The following DNAAF9 variants were observed in gnomAD, a reference collection of about 807,000 sequenced individuals.
The protein encoded by DNAAF9 is shulin.
A neutral mutation model predicts 167.0 loss-of-function variants in DNAAF9; 90 were observed. The observed-to-expected ratio is 0.54, with a 90% confidence interval of 0.45 to 0.64. DNAAF9 has a LOEUF of 0.64. DNAAF9 is among the 30% of genes least tolerant of loss of function. The pLI, the probability that DNAAF9 is intolerant of heterozygous loss-of-function variation, is 0.00. For missense variants in DNAAF9, 1,315 were observed against 1,442.2 expected (o/e 0.91, Z 1.43); for synonymous variants, 491 against 508.8 (o/e 0.96, Z 0.47).
chr20:3,323,483 T>C (rs554754864), intron 14 of DNAAF9, among the ~76,000 whole-genome samples: 75 of 152,134 alleles, frequency 4.9e-4, no homozygotes, highest in Non-Finnish European at 8.7e-4. Context: ...GGTTTTGCCA[T>C]GTTGGTCAGG....
chr20:3,282,656 A>G (rs1229091486), intron 27 of DNAAF9, among the ~76,000 whole-genome samples: 1 of 152,232 alleles, frequency 6.6e-6, no homozygotes, highest in Non-Finnish European at 1.5e-5. Flanking sequence ...CCTATGGAGC[A>G]GCAAAGAATT....
intron 10 of DNAAF9, among the ~76,000 whole-genome samples, chr20:3,337,009 A>G (rs1218194131): frequency 6.7e-6 from 1 of 149,168 alleles, no homozygotes; most frequent in Non-Finnish European, 1.5e-5. Flanking sequence ...CCTCCCAAGT[A>G]GCTGGGACTA....
At chr20:3,309,923 A>G (rs6037544) in intron 20 of DNAAF9, among the ~76,000 whole-genome samples, 37,998 of 152,056 alleles carry the variant, frequency 0.25, 5,339 homozygotes, top group African/African-American at 0.37. Flanking sequence ...GGCTGGGCGC[A>G]GTGGCTCACG....
intron 20 of DNAAF9, 54 bp from the exon 21 acceptor site, chr20:3,304,597 A>T (rs914007833): frequency 1.3e-6 from 1 of 787,638 alleles, no homozygotes; most frequent in African/African-American, 1.8e-5. Context: ...TGGGGGTCAG[A>T]TTCCAATGTC....
In DNAAF9 at chr20:3,277,333, C is replaced by T. The variant is rs185306998; in HGVS notation, c.2650+1579G>A. Among the ~76,000 whole-genome samples the T allele has an allele frequency of 4.5e-3, 686 of 152,272 alleles. 8 individuals are homozygous for T. Among genetic ancestry groups the T allele is most frequent in the African/African-American group, 0.016 (656 of 41,552 alleles). On this transcript the variant is annotated intron_variant, in intron 29 of 36. Coordinates refer to ENST00000252032, the MANE Select transcript of DNAAF9 (RefSeq NM_001009984.3). ...TCTCCTTCCTCAATGTCTCAGGCAACACTCTTCCCTGCTTCTCTTTCGGTG... is the reference window on the plus strand; with the variant it reads ...TCTCCTTCCTCAATGTCTCAGGCAATACTCTTCCCTGCTTCTCTTTCGGTG...
chr20:3,362,113 T>G, intron 6 of DNAAF9: 1 of 1,382,990 alleles, frequency 7.2e-7, no homozygotes, highest in Non-Finnish European at 1.0e-6. Context: ...TTTAGGTCCA[T>G]ATTCTATTTT....
At position 3,294,248 on chromosome 20, in the gene DNAAF9, T is replaced by C. The variant is rs781043941; in HGVS notation, c.2129A>G (p.Gln710Arg). Residue 710 changes from glutamine to arginine, a missense_variant, in exon 25 of 37, where the codon CAG (glutamine) becomes CGG (arginine). Physicochemically the swap from Gln to Arg is conservative, Grantham distance 43. Transcript: ENST00000252032. ...AKLPELDWFL[Q>R]HFAISSISQE... ...GCTAATGCTGCTGATGGCGAAATGCTGGAGAAACCTAAAAACACAAAGACA... is the reference window on the plus strand; with the variant it reads ...GCTAATGCTGCTGATGGCGAAATGCCGGAGAAACCTAAAAACACAAAGACA... 4 of 1,604,186 alleles carry C rather than the reference T, an allele frequency of 2.5e-6. No homozygotes were observed. In the Admixed American group the frequency reaches 5.0e-5, roughly 20 times the overall value.
chr20:3,255,889 A>AGCCCCT lies in DNAAF9; in HGVS notation c.3261+116_3261+117insAGGGGC. 3 of 742,898 alleles carry AGCCCCT rather than the reference A, an allele frequency of 4.0e-6. No homozygotes were observed. The South Asian group carries it at 5.2e-5, about 13-fold the overall frequency. The allele number at this position is 742,898 out of a possible 1,614,324, so 46.0% of individuals were successfully genotyped here. A position where few individuals can be genotyped will look rare whatever the true frequency, so the allele number is the denominator to read the frequency against. ...CCTGCAAGTGCTGGCTGGGCCAGGGAGAGGAAGCCCAGTGGGGAGGCATCA... is the reference window on the plus strand; with the variant it reads ...CCTGCAAGTGCTGGCTGGGCCAGGGAGCCCCTGAGGAAGCCCAGTGGGGAGGCATCA... On this transcript the variant is annotated intron_variant, in intron 34 of 36. Transcript: ENST00000252032.
intron 6 of DNAAF9, among the ~76,000 whole-genome samples, chr20:3,368,687 ATTTT>A (rs1393679332): frequency 7.0e-6 from 1 of 143,840 alleles, no homozygotes; most frequent in Non-Finnish European, 1.5e-5. Context: ...TAATTTTTGT[ATTTT>A]TTTTTTTAAG....
rs201705897 is a variant in DNAAF9 at position 3,330,635 on chromosome 20, T to C, written c.1100+11A>G. The C allele has an allele frequency of 7.6e-5, 119 of 1,557,600 alleles. No individual in the cohort carries two copies. In the African/African-American group the frequency reaches 1.5e-3, roughly 20 times the overall value. On this transcript the variant is annotated intron_variant, in intron 12 of 36. Coordinates refer to ENST00000252032, the MANE Select transcript of DNAAF9 (RefSeq NM_001009984.3). ...ACTTTGAGAAAGAAAAAATAAAATATGAAGACTTACATTTGTTCAGTTTTC... is the reference window on the plus strand; with the variant it reads ...ACTTTGAGAAAGAAAAAATAAAATACGAAGACTTACATTTGTTCAGTTTTC...
At position 3,359,582 on chromosome 20, in the gene DNAAF9, C is replaced by A; in HGVS notation, c.624G>T (p.Val208=). The change falls in exon 7 of 37, where the codon GTG becomes GTT. Residue 208 remains valine (V), a synonymous_variant. Transcript: ENST00000252032. ...TGTAGACATTCCATAGATTCAAACTCACATCCTGCAACTGCAACAGAGGGC... is the reference window on the plus strand; with the variant it reads ...TGTAGACATTCCATAGATTCAAACTAACATCCTGCAACTGCAACAGAGGGC... ...FFTMKYELQD[V]SLNLWNVYSK... 6.2e-7 allele frequency: 1 copy of A among 1,611,284 alleles called. No individual in the cohort carries two copies. The highest frequency in any genetic ancestry group is 2.2e-5 in the East Asian group (1 of 44,824).
rs2068188608 is a variant in DNAAF9, at chr20:3,251,177, C to T, written c.*1395G>A. 1 of 150,976 alleles carries T rather than the reference C, an allele frequency of 6.6e-6. No individual in the cohort carries two copies. The allele number at this position is 150,976 out of a possible 1,614,324, so 9.4% of individuals were successfully genotyped here. The stretch of plus-strand genomic sequence containing the variant: ...TTTTCTAATATATTTTACTGACAAG[C>T]CCTTGAGAGCTGCTTTGCTACTTGC... On this transcript the variant is annotated 3_prime_UTR_variant, in exon 37 of 37. Transcript: ENST00000252032.
chr20:3,289,333 A>G (rs2068908102), intron 26 of DNAAF9, among the ~76,000 whole-genome samples: 1 of 152,184 alleles, frequency 6.6e-6, no homozygotes, highest in African/African-American at 2.4e-5. Context: ...AGTCCTGCCT[A>G]CTTGGGAGGG....
intron 6 of DNAAF9, chr20:3,362,308 C>CCTGCT: frequency 1.0e-6 from 1 of 953,146 alleles, no homozygotes; most frequent in Non-Finnish European, 1.6e-6. Context: ...TACTACTGAG[C>CCTGCT]CTGTGGTGGC....
rs573034539 is a variant in DNAAF9, at chr20:3,273,157, T to C, written c.2651-2595A>G. ...GAGTAGGTTTATAAATGAATAGTTCTTAAGTGAATATCTCTAAATTATGGA... is the reference window on the plus strand; with the variant it reads ...GAGTAGGTTTATAAATGAATAGTTCCTAAGTGAATATCTCTAAATTATGGA... On this transcript the variant is annotated intron_variant, in intron 29 of 36. Coordinates refer to ENST00000252032, the MANE Select transcript of DNAAF9 (RefSeq NM_001009984.3). Among the ~76,000 whole-genome samples the C allele has an allele frequency of 2.0e-5, 3 of 152,262 alleles. No homozygotes were observed. In the South Asian group the frequency reaches 6.2e-4, roughly 32 times the overall value.
At chr20:3,368,427 G>T (rs1483720026) in intron 6 of DNAAF9, among the ~76,000 whole-genome samples, 1 of 150,746 alleles carries the variant, frequency 6.6e-6, no homozygotes, top group African/African-American at 2.4e-5. Context: ...ACCAGTTTTT[G>T]TTGTTTTGTG....
intron 6 of DNAAF9, chr20:3,362,182 C>A: frequency 7.0e-7 from 1 of 1,431,534 alleles, no homozygotes; most frequent in Non-Finnish European, 9.7e-7. Context: ...CATCCCTGTC[C>A]ATCTTGTAAG....
chr20:3,369,416 G>A (rs1382295904), intron 6 of DNAAF9, among the ~76,000 whole-genome samples: 3 of 147,452 alleles, frequency 2.0e-5, no homozygotes, highest in African/African-American at 2.5e-5. Flanking sequence ...TCGCTCTTTC[G>A]CCCAGGCTGG....
chr20:3,314,932 T>C, intron 20 of DNAAF9, 101 bp downstream of exon 20: 2 of 718,638 alleles, frequency 2.8e-6, no homozygotes, highest in Admixed American at 2.2e-5. Flanking sequence ...ACCACAATTG[T>C]GTTCAAATAG....
Sources: gnomAD v4.1 joint callset for allele counts (sites outside exome capture counted in the v4.1 genomes callset) on GRCh38, gnomAD v4.1.1 for gene constraint, MANE v1.5 for transcripts, NCBI Gene and HGNC (gene_info 2026-07-23, HGNC 2026-07-21) for gene names.